PPFIA2: variants seen among roughly 807,000 people sequenced by gnomAD.
PPFIA2 encodes the protein liprin-alpha-2.
A neutral mutation model predicts 175.5 loss-of-function variants in PPFIA2; 46 were observed. That is an observed-to-expected ratio of 0.26 (90% CI 0.21 to 0.34). The LOEUF (loss-of-function observed/expected upper bound fraction) is 0.34. Ranked by LOEUF, PPFIA2 falls within the 10% of genes least tolerant of loss-of-function variation. The pLI is 1.00. For synonymous variants in PPFIA2, 568 were observed against 511.4 expected, an observed-to-expected ratio of 1.11 and a Z score of -1.49; for missense variants, 1,179 against 1,506.1, an observed-to-expected ratio of 0.78 and a Z score of 3.60.
At chr12:81,638,750 G>A (rs1283051066) in intron 4 of PPFIA2, among the ~76,000 whole-genome samples, 2 of 142,744 alleles carry the variant, frequency 1.4e-5, no homozygotes, top group African/African-American at 2.6e-5. Context: ...TGCAGTGGCG[G>A]GATCTCGGCT....
intron 3 of PPFIA2, among the ~76,000 whole-genome samples, chr12:81,746,641 A>G (rs1446428722): frequency 6.9e-6 from 1 of 144,504 alleles, no homozygotes; most frequent in Admixed American, 7.3e-5. Context: ...ATATATTTGA[A>G]CATCTTGCAA....
intron 19 of PPFIA2, 36 bp from the exon 20 acceptor site, chr12:81,341,244 T>C: frequency 4.4e-6 from 7 of 1,590,334 alleles, no homozygotes; most frequent in Non-Finnish European, 6.0e-6. Context: ...ATAAACCCTT[T>C]CTAAATTTCA....
At chr12:81,410,314 G>T (rs1265483605) in intron 7 of PPFIA2, among the ~76,000 whole-genome samples, 1 of 152,052 alleles carries the variant, frequency 6.6e-6, no homozygotes, top group Non-Finnish European at 1.5e-5. Flanking sequence ...TGTAACATTG[G>T]CTCAAATGGC....
chr12:81,475,334 A>T (rs138701972), intron 4 of PPFIA2, among the ~76,000 whole-genome samples: 2 of 152,338 alleles, frequency 1.3e-5, no homozygotes, highest in African/African-American at 4.8e-5. Context: ...AGTAAAAATA[A>T]GAACAAAAAA....
At chr12:81,732,590 T>C (rs1350771118) in intron 3 of PPFIA2, among the ~76,000 whole-genome samples, 1 of 148,038 alleles carries the variant, frequency 6.8e-6, no homozygotes. Flanking sequence ...TTCTTACATA[T>C]ACTGCAGAAG....
intron 3 of PPFIA2, among the ~76,000 whole-genome samples, chr12:81,700,208 C>T (rs911705949): frequency 6.6e-6 from 1 of 151,960 alleles, no homozygotes; most frequent in Admixed American, 6.6e-5. Context: ...TAATCACTAG[C>T]AATGATATAT....
At chr12:81,415,881 C>T (rs1041917681) in intron 7 of PPFIA2, among the ~76,000 whole-genome samples, 2 of 151,430 alleles carry the variant, frequency 1.3e-5, no homozygotes, top group Non-Finnish European at 3.0e-5. Context: ...TTTGTACTAA[C>T]ATCTCTCTTC....
intron 28 of PPFIA2, among the ~76,000 whole-genome samples, chr12:81,268,995 G>A (rs1565820020): frequency 6.6e-6 from 1 of 152,102 alleles, no homozygotes; most frequent in East Asian, 1.9e-4. Context: ...CAAGCACTCA[G>A]TCAAATGTCA....
At chr12:81,560,628 A>G (rs1438499689) in intron 4 of PPFIA2, among the ~76,000 whole-genome samples, 1 of 152,172 alleles carries the variant, frequency 6.6e-6, no homozygotes, top group African/African-American at 2.4e-5. Flanking sequence ...TTTGGTCTAA[A>G]TATTTTAACT....
chr12:81,355,651 C>T (rs993708690), intron 16 of PPFIA2, among the ~76,000 whole-genome samples: 1 of 152,222 alleles, frequency 6.6e-6, no homozygotes, highest in African/African-American at 2.4e-5. Flanking sequence ...GCTTCTCCAT[C>T]AGCCCTTGTT....
intron 15 of PPFIA2, among the ~76,000 whole-genome samples, chr12:81,361,846 G>A (rs1355020835): frequency 6.6e-6 from 1 of 151,426 alleles, no homozygotes. Context: ...AGTTTCAAAC[G>A]GCTGCTATTA....
At chr12:81,436,632 A>C (rs986290214) in intron 7 of PPFIA2, among the ~76,000 whole-genome samples, 9 of 152,252 alleles carry the variant, frequency 5.9e-5, no homozygotes, top group African/African-American at 1.9e-4. Flanking sequence ...TTCTTATACC[A>C]ATTGCTCTTA....
intron 4 of PPFIA2, among the ~76,000 whole-genome samples, chr12:81,634,452 T>C (rs2063757871): frequency 1.3e-5 from 2 of 152,060 alleles, no homozygotes; most frequent in African/African-American, 4.8e-5. Context: ...TGATGAAGCA[T>C]CCCAATCCAG....
chr12:81,630,139 TC>T (rs2063202349), intron 4 of PPFIA2, among the ~76,000 whole-genome samples: 3 of 152,166 alleles, frequency 2.0e-5, no homozygotes, highest in African/African-American at 7.2e-5. Context: ...CCTTAGAGTC[TC>T]CAGTGGAACA....
intron 4 of PPFIA2, among the ~76,000 whole-genome samples, chr12:81,666,346 G>T (rs987661506): frequency 2.6e-5 from 4 of 152,150 alleles, no homozygotes; most frequent in African/African-American, 9.7e-5. Context: ...CAATAGCAAA[G>T]ACTTGGAACC....
intron 4 of PPFIA2, among the ~76,000 whole-genome samples, chr12:81,595,537 T>C (rs2059152419): frequency 6.6e-6 from 1 of 152,056 alleles, no homozygotes; most frequent in African/African-American, 2.4e-5. Context: ...CAGGCACAAG[T>C]ATATTCACAG....
chr12:81,706,270 A>G (rs1197933113), intron 3 of PPFIA2, among the ~76,000 whole-genome samples: 1 of 152,206 alleles, frequency 6.6e-6, no homozygotes, highest in Non-Finnish European at 1.5e-5. Flanking sequence ...CTGCATAAGT[A>G]TTGTCTTATC....
At chr12:81,745,137 T>G (rs1363311117) in intron 3 of PPFIA2, among the ~76,000 whole-genome samples, 1 of 152,210 alleles carries the variant, frequency 6.6e-6, no homozygotes, top group African/African-American at 2.4e-5. Flanking sequence ...AGACAATAAA[T>G]TAATTATCTT....
chr12:81,647,481 G>T (rs1178231986), intron 4 of PPFIA2, among the ~76,000 whole-genome samples: 1 of 152,008 alleles, frequency 6.6e-6, no homozygotes, highest in African/African-American at 2.4e-5. Context: ...ACCAAATATG[G>T]CTGGGTGCGG....
Sources: gnomAD v4.1 joint callset for allele counts (sites outside exome capture counted in the v4.1 genomes callset) on GRCh38, gnomAD v4.1.1 for gene constraint, MANE v1.5 for transcripts, NCBI Gene and HGNC (gene_info 2026-07-23, HGNC 2026-07-21) for gene names.